The following MIPEP variants were observed in gnomAD, a reference collection of about 807,000 sequenced individuals.
MIPEP encodes mitochondrial intermediate peptidase.
A neutral mutation model predicts 90.3 loss-of-function variants in MIPEP; 79 were observed. The observed-to-expected ratio is 0.87, with a 90% CI of 0.73 to 1.05. The LOEUF is 1.05. Among genes scored for constraint, MIPEP ranks in the 50% least tolerant of loss-of-function variants. MIPEP has a pLI of 0.00. For missense variants in MIPEP, 940 were observed against 905.6 expected (o/e 1.04, Z -0.49); for synonymous variants, 334 against 315.8 (o/e 1.06, Z -0.61).
intron 5 of MIPEP, among the ~76,000 whole-genome samples, chr13:23,871,880 T>C (rs1870823313): frequency 6.6e-6 from 1 of 152,166 alleles, no homozygotes. Flanking sequence ...GAAATCACAT[T>C]ACAGTTCCAA....
chr13:23,872,678 T>C (rs970565743), intron 5 of MIPEP, among the ~76,000 whole-genome samples: 1 of 152,198 alleles, frequency 6.6e-6, no homozygotes, highest in East Asian at 1.9e-4. Flanking sequence ...GCATATTCAA[T>C]ATTGAGGGGT....
chr13:23,841,590 A>G (rs1436872461), intron 10 of MIPEP, 102 bp from the exon 11 acceptor site: 1 of 1,269,096 alleles, frequency 7.9e-7, no homozygotes, highest in Non-Finnish European at 1.1e-6. Flanking sequence ...ACTGGAGCTA[A>G]AGAAGGATTC....
chr13:23,799,484 G>A (rs556992958), intron 16 of MIPEP, among the ~76,000 whole-genome samples: 60 of 151,896 alleles, frequency 4.0e-4, no homozygotes, highest in African/African-American at 1.3e-3. Flanking sequence ...CCGCCACCAC[G>A]CCTGGCTAAT....
At chr13:23,847,976 T>C (rs1316560803) in intron 10 of MIPEP, among the ~76,000 whole-genome samples, 4 of 152,204 alleles carry the variant, frequency 2.6e-5, no homozygotes, top group Admixed American at 2.0e-4. Context: ...CCAGAATTAT[T>C]GTTCGTTTTA....
At chr13:23,787,588 G>T (rs1022128640) in intron 16 of MIPEP, among the ~76,000 whole-genome samples, 3 of 152,128 alleles carry the variant, frequency 2.0e-5, no homozygotes, top group African/African-American at 7.2e-5. Context: ...ATTGATTTAT[G>T]TGTGTTTTAT....
intron 8 of MIPEP, among the ~76,000 whole-genome samples, chr13:23,863,702 C>T (rs1052165310): frequency 4.6e-5 from 7 of 152,120 alleles, no homozygotes; most frequent in African/African-American, 1.7e-4. Flanking sequence ...CAGTAGAACA[C>T]TTCAGCTTGA....
intron 14 of MIPEP, among the ~76,000 whole-genome samples, chr13:23,824,753 T>C (rs1273040091): frequency 6.6e-6 from 1 of 152,194 alleles, no homozygotes; most frequent in Non-Finnish European, 1.5e-5. Context: ...AGACAAAACC[T>C]CAAGCCTAAA....
At position 23,837,551 on chromosome 13, in the gene MIPEP, C is replaced by T. The variant is rs781114595; in HGVS notation, c.1543+1G>A. 6.2e-7 allele frequency: 1 copy of T among 1,606,952 alleles called. No homozygotes were observed. ...AAATAAAAGCCCTCCTCATGGCTCA[C>T]CAGTGACGTGTTGGTAACGAGTACG... On this transcript the variant is annotated splice_donor_variant, in intron 13 of 18. Coordinates refer to ENST00000382172, the MANE Select transcript of MIPEP (RefSeq NM_005932.4). LOFTEE classifies it high-confidence loss of function.
At chr13:23,839,169 TC>T (rs1946089602) in intron 12 of MIPEP, among the ~76,000 whole-genome samples, 1 of 152,218 alleles carries the variant, frequency 6.6e-6, no homozygotes, top group African/African-American at 2.4e-5. Context: ...TGGAGTATCT[TC>T]CGCAGTTTTA....
At chr13:23,827,469 G>A (rs1320291780) in intron 14 of MIPEP, among the ~76,000 whole-genome samples, 4 of 152,042 alleles carry the variant, frequency 2.6e-5, no homozygotes, top group African/African-American at 9.7e-5. Flanking sequence ...ACCCTGAATG[G>A]TTTCATAGAT....
intron 16 of MIPEP, among the ~76,000 whole-genome samples, chr13:23,766,351 T>C (rs1348377606): frequency 6.6e-6 from 1 of 152,218 alleles, no homozygotes; most frequent in Admixed American, 6.5e-5. Flanking sequence ...TGAGCTCATA[T>C]AATCTTGTTG....
chr13:23,827,655 C>T (rs1395246685), intron 14 of MIPEP, among the ~76,000 whole-genome samples: 1 of 152,104 alleles, frequency 6.6e-6, no homozygotes, highest in African/African-American at 2.4e-5. Flanking sequence ...AACATAAATG[C>T]AAAAATCAAG....
At chr13:23,786,831 T>G (rs1434354704) in intron 16 of MIPEP, among the ~76,000 whole-genome samples, 1 of 152,202 alleles carries the variant, frequency 6.6e-6, no homozygotes, top group East Asian at 1.9e-4. Flanking sequence ...GCTTACCTTT[T>G]GGCCCAGCAG....
At chr13:23,746,371 C>G (rs769743055) in intron 18 of MIPEP, among the ~76,000 whole-genome samples, 2 of 151,756 alleles carry the variant, frequency 1.3e-5, no homozygotes, top group Non-Finnish European at 2.9e-5. Context: ...CAGTGGTTCA[C>G]GCCTGTAATC....
intron 16 of MIPEP, among the ~76,000 whole-genome samples, chr13:23,768,468 A>G (rs2085896567): frequency 6.6e-6 from 1 of 152,192 alleles, no homozygotes; most frequent in African/African-American, 2.4e-5. Context: ...GTAATCCCAG[A>G]ACTTTGGGAG....
chr13:23,797,817 G>A (rs764817396), intron 16 of MIPEP, among the ~76,000 whole-genome samples: 5 of 152,326 alleles, frequency 3.3e-5, no homozygotes, highest in South Asian at 2.1e-4. Context: ...AGTTGTATAC[G>A]CATCAGAATG....
chr13:23,758,131 T>C (rs1215859866), intron 17 of MIPEP, among the ~76,000 whole-genome samples: 1 of 152,140 alleles, frequency 6.6e-6, no homozygotes, highest in Non-Finnish European at 1.5e-5. Flanking sequence ...GCGCCTCCCC[T>C]CAGGGGCAGG....
At chr13:23,730,586 A>G in intron 18 of MIPEP, 141 bp from the exon 19 acceptor site, 1 of 625,924 alleles carries the variant, frequency 1.6e-6, no homozygotes, top group East Asian at 2.8e-5. Context: ...ATGCAAGAAC[A>G]TTTTATAAAG....
chr13:23,758,834 A>AG (rs1952511201), intron 17 of MIPEP, among the ~76,000 whole-genome samples: 1 of 152,184 alleles, frequency 6.6e-6, no homozygotes, highest in African/African-American at 2.4e-5. Context: ...GGTGGGAGGG[A>AG]GAAAAAACCA....
Sources: gnomAD v4.1 joint callset for allele counts (sites outside exome capture counted in the v4.1 genomes callset) on GRCh38, gnomAD v4.1.1 for gene constraint, MANE v1.5 for transcripts, NCBI Gene and HGNC (gene_info 2026-07-23, HGNC 2026-07-21) for gene names.